Variants in ZNF565 observed in about 807,000 individuals in gnomAD.
ZNF565 encodes zinc finger protein 565.
A neutral mutation model predicts 39.4 loss-of-function variants in ZNF565; 27 were observed. The ratio of observed to expected loss-of-function variants is 0.69; its 90% CI spans 0.51 to 0.95. The LOEUF is 0.95. ZNF565 is among the 40% of genes least tolerant of loss of function. The pLI is 0.00. For missense variants in ZNF565, 524 were observed against 621.1 expected (o/e 0.84, Z 1.66); for synonymous variants, 185 against 216.6 (o/e 0.85, Z 1.28).
At chr19:36,189,928 G>C (rs1473890170) in intron 4 of ZNF565, among the ~76,000 whole-genome samples, 1 of 151,838 alleles carries the variant, frequency 6.6e-6, no homozygotes, top group African/African-American at 2.4e-5. Flanking sequence ...CCGCCTCCCG[G>C]GTTCAAGCGA....
chr19:36,235,233 A>G (rs1222682528), intron 1 of ZNF565, among the ~76,000 whole-genome samples: 15 of 151,710 alleles, frequency 9.9e-5, no homozygotes, highest in Non-Finnish European at 1.5e-4. Context: ...AGAAAGAAAG[A>G]TGAACATTAT....
intron 2 of ZNF565, 33 bp from the exon 3 acceptor site, chr19:36,195,189 TAAGA>T (rs746046565): frequency 2.9e-4 from 459 of 1,577,312 alleles, no homozygotes; most frequent in Non-Finnish European, 3.8e-4. Context: ...TAGTGTACAT[TAAGA>T]AACTTTTTTC....
chr19:36,202,088 G>T, intron 1 of ZNF565, 38 bp from the exon 2 acceptor site: 1 of 1,187,678 alleles, frequency 8.4e-7, no homozygotes. Context: ...GGTAACCTCT[G>T]ATAAACTGAG....
intron 1 of ZNF565, chr19:36,237,761 C>T (rs1324201286): frequency 6.0e-6 from 1 of 167,408 alleles, no homozygotes; most frequent in Non-Finnish European, 1.5e-5. Context: ...AAAAAAAGAC[C>T]TATGCATTTA....
chr19:36,184,290 G>A (rs1455748212), intron 4 of ZNF565, among the ~76,000 whole-genome samples: 3 of 151,564 alleles, frequency 2.0e-5, no homozygotes, highest in Non-Finnish European at 2.9e-5. Context: ...GCTTTGAGAC[G>A]GAGTCTTGCT....
At chr19:36,207,387 A>G (rs1187794660) in intron 1 of ZNF565, among the ~76,000 whole-genome samples, 1 of 152,110 alleles carries the variant, frequency 6.6e-6, no homozygotes, top group East Asian at 1.9e-4. Context: ...TAAAAATACA[A>G]AAGTTAGCTG....
At chr19:36,220,356 TTTTTAATTTAATTTTATTTTA>T (rs1976781219) in intron 1 of ZNF565, among the ~76,000 whole-genome samples, 1 of 126,264 alleles carries the variant, frequency 7.9e-6, no homozygotes, top group African/African-American at 2.6e-5. Flanking sequence ...CTAGTTCTTT[TTTTTAATTTAATTTTATTTTA>T]TTTTTGAGAC....
chr19:36,192,344 T>A (rs1975588373), intron 4 of ZNF565, among the ~76,000 whole-genome samples: 1 of 152,142 alleles, frequency 6.6e-6, no homozygotes, highest in South Asian at 2.1e-4. Context: ...GAGAAGAACA[T>A]AACATCACTT....
upstream of ZNF565, among the ~76,000 whole-genome samples, chr19:36,215,829 G>A (rs1234109063): frequency 6.6e-6 from 1 of 152,256 alleles, no homozygotes; most frequent in African/African-American, 2.4e-5. Flanking sequence ...ACGGCGCCCA[G>A]GATGAGGGAG....
intron 1 of ZNF565, among the ~76,000 whole-genome samples, chr19:36,228,174 A>AG (rs1555742406): frequency 9.7e-5 from 14 of 144,306 alleles, no homozygotes; most frequent in Non-Finnish European, 1.5e-4. Context: ...AAAAAAAAAA[A>AG]AAAGAAAGAA....
At chr19:36,239,720 C>G (rs886433214) in intron 1 of ZNF565, among the ~76,000 whole-genome samples, 14 of 152,190 alleles carry the variant, frequency 9.2e-5, no homozygotes, top group Non-Finnish European at 4.4e-5. Context: ...AACCTGCGAG[C>G]TCTGTCACTC....
chr19:36,208,489 T>C lies in ZNF565; in HGVS notation c.-66+6133A>G, dbSNP rs114844416. On this transcript the variant is annotated intron_variant, in intron 1 of 4. Coordinates refer to ENST00000304116, the MANE Select transcript of ZNF565 (RefSeq NM_152477.5). ...TGCTGGGATTGCAGGTGTGAGCCAC[T>C]GTGCCCAGCCAACAAGTTGATTCTG... 2.6e-3 allele frequency among the ~76,000 whole-genome samples: 402 copies of C among 152,268 alleles called. 3 individuals are homozygous for C. The highest frequency in any genetic ancestry group is 9.0e-3 in the African/African-American group (372 of 41,554).
chr19:36,245,473 T>G lies in ZNF565; in HGVS notation c.55+3A>C. On this transcript the variant is annotated splice_donor_region_variant and intron_variant, in intron 1 of 4. Coordinates refer to the ZNF565 transcript ENST00000355114. This position sits in a 1 kb window ranked among gnomAD's most constrained non-coding sequence, Gnocchi z 4.4. ...GTGGTCCACCGCGCATCTAGGAGGT[T>G]ACCTGCGTCCAGGCGGTGACTTGCG... 1 of 702,042 alleles carries G rather than the reference T, an allele frequency of 1.4e-6. No homozygotes were observed. Among genetic ancestry groups the G allele is most frequent in the Non-Finnish European group, 2.6e-6 (1 of 384,754 alleles). The allele number at this position is 702,042 out of a possible 1,614,324, so 43.5% of individuals were successfully genotyped here.
At chr19:36,208,746 G>C (rs539194210) in intron 1 of ZNF565, among the ~76,000 whole-genome samples, 2 of 152,132 alleles carry the variant, frequency 1.3e-5, no homozygotes, top group Non-Finnish European at 2.9e-5. Flanking sequence ...ACAGGTACAG[G>C]AATCTCCATC....
At chr19:36,239,486 C>T (rs1977760397) in intron 1 of ZNF565, among the ~76,000 whole-genome samples, 1 of 150,818 alleles carries the variant, frequency 6.6e-6, no homozygotes, top group African/African-American at 2.5e-5. Flanking sequence ...CTATGCTGTG[C>T]CAATTAAAAA....
At chr19:36,211,449 T>TCA (rs370230430) in intron 1 of ZNF565, among the ~76,000 whole-genome samples, 39,048 of 137,354 alleles carry the variant, frequency 0.28, 5,428 homozygotes, top group African/African-American at 0.33. Context: ...CAACTCTCTC[T>TCA]CACACACACA....
rs187133946 is a variant in ZNF565 at position 36,240,553 on chromosome 19, T to C, written c.55+4923A>G. ...AAATTTAATTGCCATGGTAATGGCA[T>C]GAAAGGTTGAGACCCTTAAAATGGC... On this transcript the variant is annotated intron_variant, in intron 1 of 4. Coordinates refer to the ZNF565 transcript ENST00000355114. Among the ~76,000 whole-genome samples, 363 of 152,286 alleles carry C rather than the reference T, an allele frequency of 2.4e-3. 1 individual carries two copies. The highest frequency in any genetic ancestry group is 8.2e-3 in the African/African-American group (342 of 41,554).
chr19:36,202,256 C>T (rs1032491003), intron 1 of ZNF565, among the ~76,000 whole-genome samples: 1 of 151,976 alleles, frequency 6.6e-6, no homozygotes, highest in Non-Finnish European at 1.5e-5. Flanking sequence ...AAACCCAGCA[C>T]CTTGGGAGGC....
chr19:36,182,554 C>T lies in ZNF565; in HGVS notation c.1412G>A (p.Gly471Asp), dbSNP rs143966639. 9.9e-6 allele frequency: 16 copies of T among 1,613,456 alleles called. No homozygotes were observed. Among genetic ancestry groups the T allele is most frequent in the Non-Finnish European group, 1.2e-5 (14 of 1,179,742 alleles). Residue 471 changes from glycine (G) to aspartate (D), a missense_variant, in exon 5 of 5, where the codon GGT becomes GAT. Transcript: ENST00000304116. ...QLTEHQRIHP[G>D]IKPYECRECG... ...CTCTCTACATTCGTAAGGTTTGATA[C>T]CAGGATGAATTCTCTGATGTTCGGT...
Sources: allele counts gnomAD v4.1 joint callset (sites outside exome capture counted in the v4.1 genomes callset), GRCh38; gene constraint gnomAD v4.1.1; non-coding constraint Gnocchi (gnomAD v3.1); transcripts MANE v1.5; gene names NCBI Gene and HGNC (gene_info 2026-07-23, HGNC 2026-07-21).